CRYAB: variants seen among roughly 807,000 people sequenced by gnomAD.
CRYAB encodes the protein crystallin alpha B, also known as alpha-crystallin B chain.
CRYAB carries 9 observed loss-of-function variants against 12.7 expected under a neutral mutation model. The observed-to-expected ratio is 0.71, with a 90% CI of 0.43 to 1.24. The LOEUF is 1.24. Ranked by LOEUF, CRYAB falls within the 50% of genes most tolerant of loss-of-function variation. CRYAB has a pLI of 0.00. For synonymous variants in CRYAB, 93 were observed against 86.8 expected, an observed-to-expected ratio of 1.07 and a Z score of -0.40; for missense variants, 183 against 226.6, an observed-to-expected ratio of 0.81 and a Z score of 1.24.
At chr11:111,913,448 G>A (rs1965534988), upstream of CRYAB, 2 of 1,606,834 alleles carry the variant, frequency 1.2e-6, no homozygotes, top group Non-Finnish European at 1.7e-6. Flanking sequence ...TAGGCCTCCT[G>A]CCAGAAGAGA....
At chr11:111,912,676 G>A (rs918078879), upstream of CRYAB, 165 of 461,006 alleles carry the variant, frequency 3.6e-4, 2 homozygotes, top group Middle Eastern at 3.9e-3. Context: ...CCCACTCCCA[G>A]CCCCTCCCCC....
intron 2 of CRYAB, chr11:111,909,899 A>G (rs1965398886): frequency 4.0e-6 from 2 of 504,188 alleles, no homozygotes; most frequent in East Asian, 6.9e-5. Context: ...GATTAGAATT[A>G]CCTTAAAAAT....
Position 111,908,608 on chromosome 11 carries a change from AAC to A in CRYAB, c.*154_*155del. The A allele has an allele frequency of 1.5e-6, 1 of 678,098 alleles. No homozygotes were observed. Among genetic ancestry groups the A allele is most frequent in the Non-Finnish European group, 2.6e-6 (1 of 386,788 alleles). 42.0% of individuals were successfully genotyped at this position (678,098 alleles called of 1,614,324 possible). On this transcript the variant is annotated 3_prime_UTR_variant, in exon 3 of 3. Coordinates refer to ENST00000650687, the MANE Select transcript of CRYAB (RefSeq NM_001289808.2). ...TATTTAAAAGTGTGTGGAATATTCA[AAC>A]ACAAGACAGTTATCTGTTGCTGAAT...
intron 2 of CRYAB, 189 bp downstream of exon 2, chr11:111,910,138 G>T (rs1965406179): frequency 2.7e-6 from 2 of 752,578 alleles, no homozygotes; most frequent in Non-Finnish European, 4.6e-6. Flanking sequence ...CACATCTCTG[G>T]CCATAATAGT....
chr11:111,911,694 G>A lies in CRYAB; in HGVS notation c.31C>T (p.Arg11Cys), dbSNP rs781902168. Residue 11 changes from arginine (R) to cysteine (C), a missense_variant, in exon 1 of 3, where the codon CGC becomes TGC. Around this residue, in one of 3 missense-constraint regions of CRYAB, gnomAD observed 86 missense variants for 96.1 expected, o/e 0.89. Transcript: ENST00000650687. ...GAGTGGAAAGGAAAGAAGGGGCGGC[G>A]GATCCAGGGGTGGTGGATGGCGATG... Reference protein sequence around the residue: MDIAIHHPWIRRPFFPFHSPS... With the variant: MDIAIHHPWICRPFFPFHSPS... The A allele has an allele frequency of 1.1e-5, 18 of 1,597,276 alleles. No individual in the cohort carries two copies. The highest frequency in any genetic ancestry group is 6.7e-5 in the African/African-American group (5 of 74,892).
At chr11:111,912,098 G>A (rs4252583), upstream of CRYAB, 2,208 of 275,266 alleles carry the variant, frequency 8.0e-3, 38 homozygotes, top group African/African-American at 0.039. Context: ...GGGAGCCGGC[G>A]TAGTGTGCCC....
At position 111,908,897 on chromosome 11, in the gene CRYAB, G is replaced by T; in HGVS notation, c.395C>A (p.Thr132Asn). 1 of 1,614,158 alleles carries T rather than the reference G, an allele frequency of 6.2e-7. No individual in the cohort carries two copies. Among genetic ancestry groups the T allele is most frequent in the Non-Finnish European group, 8.5e-7 (1 of 1,180,040 alleles). ...YRIPADVDPL[T>N]ITSSLSSDGV... ...ATCAGATGACAGGGATGAAGTAATGGTGAGAGGGTCTACATCAGCTGGGAT... is the reference window on the plus strand; with the variant it reads ...ATCAGATGACAGGGATGAAGTAATGTTGAGAGGGTCTACATCAGCTGGGAT... Residue 132 changes from threonine (T) to asparagine (N), a missense_variant, in exon 3 of 3, where the codon ACC (threonine) becomes AAC (asparagine). Around this residue, in one of 3 missense-constraint regions of CRYAB, gnomAD observed 95 missense variants for 112.5 expected, o/e 0.84. Coordinates refer to ENST00000650687, the MANE Select transcript of CRYAB (RefSeq NM_001289808.2).
chr11:111,915,830 C>A (rs1199223913), upstream of CRYAB, among the ~76,000 whole-genome samples: 1 of 152,162 alleles, frequency 6.6e-6, no homozygotes, highest in Non-Finnish European at 1.5e-5. Flanking sequence ...GCAGCCTCAA[C>A]CTCCCTTGCT....
chr11:111,922,559 T>G (rs1264629714), intron 1 of CRYAB, among the ~76,000 whole-genome samples: 1 of 152,162 alleles, frequency 6.6e-6, no homozygotes, highest in African/African-American at 2.4e-5. Flanking sequence ...ATGTGCACAG[T>G]TTTTATTCCA....
upstream of CRYAB, among the ~76,000 whole-genome samples, chr11:111,915,179 A>T (rs782337030): frequency 1.7e-4 from 26 of 152,232 alleles, no homozygotes; most frequent in Admixed American, 5.2e-4. Context: ...TACCAGAAAA[A>T]TACATATGCT....
At chr11:111,918,846 T>G in intron 1 of CRYAB, 2 of 1,114,444 alleles carry the variant, frequency 1.8e-6, no homozygotes, top group East Asian at 2.5e-5. Context: ...AAGTCCAACC[T>G]GCTAGGTTGA....
upstream of CRYAB, chr11:111,912,948 G>A (rs782455679): frequency 3.2e-5 from 43 of 1,354,548 alleles, no homozygotes; most frequent in Non-Finnish European, 4.0e-5. Context: ...CCACCCCCTT[G>A]CCCCCCACCC....
chr11:111,909,333 C>G (rs1965379386), intron 2 of CRYAB: 2 of 435,568 alleles, frequency 4.6e-6, no homozygotes, highest in African/African-American at 4.1e-5. Flanking sequence ...CCTGACTCTT[C>G]AGGAATGTCC....
chr11:111,910,278 C>T lies in CRYAB; in HGVS notation c.324+49G>A, dbSNP rs1965411336. 3.7e-6 allele frequency: 6 copies of T among 1,612,182 alleles called. No homozygotes were observed. In the East Asian group the frequency reaches 1.1e-4, roughly 30 times the overall value. Reference sequence around the variant, plus strand: ...GCTGATAGCACTACCTGGACTATTACAGTATGCACTGAATGAATGAGCAGA... The same window carrying T: ...GCTGATAGCACTACCTGGACTATTATAGTATGCACTGAATGAATGAGCAGA... On this transcript the variant is annotated intron_variant, in intron 2 of 2. Transcript: ENST00000650687.
At chr11:111,911,137 AGGGC>A (rs1965440762) in intron 1 of CRYAB, among the ~76,000 whole-genome samples, 1 of 152,202 alleles carries the variant, frequency 6.6e-6, no homozygotes, top group Admixed American at 6.5e-5. Context: ...AGGATGAGGC[AGGGC>A]TCTCTCCTGG....
chr11:111,912,036 A>C, upstream of CRYAB: 1 of 329,572 alleles, frequency 3.0e-6, no homozygotes, highest in Non-Finnish European at 5.8e-6. Flanking sequence ...TGTTCTCTGA[A>C]GCTGGTACAG....
At chr11:111,918,755 T>G in intron 1 of CRYAB, 1 of 685,096 alleles carries the variant, frequency 1.5e-6, no homozygotes, top group Non-Finnish European at 2.7e-6. Flanking sequence ...TTGAGATAGC[T>G]CTCACCTGGA....
chr11:111,910,145 T>C (rs1281938159), intron 2 of CRYAB, 182 bp downstream of exon 2: 2 of 770,960 alleles, frequency 2.6e-6, no homozygotes, highest in Non-Finnish European at 2.2e-6. Flanking sequence ...CTGGCCATAA[T>C]AGTAACAACA....
At chr11:111,918,786 T>C (rs1555166275) in intron 1 of CRYAB, 2 of 705,348 alleles carry the variant, frequency 2.8e-6, no homozygotes, top group Admixed American at 2.1e-5. Flanking sequence ...TGTTCTACCC[T>C]TTGGCTGGGA....
Sources: gnomAD v4.1 joint callset for allele counts (sites outside exome capture counted in the v4.1 genomes callset) on GRCh38, gnomAD v4.1.1 for gene constraint, gnomAD v4.1.1 regional missense constraint, MANE v1.5 for transcripts, NCBI Gene and HGNC (gene_info 2026-07-23, HGNC 2026-07-21) for gene names.